MYRIP: variants seen among roughly 807,000 people sequenced by gnomAD.
MYRIP encodes the protein rab effector MyRIP.
A neutral mutation model predicts 98.0 loss-of-function variants in MYRIP; 49 were observed. That is an observed-to-expected ratio of 0.50 (90% CI 0.40 to 0.63). The LOEUF (loss-of-function observed/expected upper bound fraction) is 0.63, where lower values mean the gene tolerates loss of function less well. Ranked by LOEUF, MYRIP falls within the 30% of genes least tolerant of loss-of-function variation. The probability of loss-of-function intolerance (pLI) is 0.00; values close to 1 mark genes in which losing one functional copy is unlikely to be tolerated. For missense variants in MYRIP, 1,004 were observed against 1,058.2 expected, an observed-to-expected ratio of 0.95 and a Z score of 0.71; for synonymous variants, 404 against 409.5, an observed-to-expected ratio of 0.99 and a Z score of 0.16.
intron 2 of MYRIP, among the ~76,000 whole-genome samples, chr3:39,974,688 A>C (rs1945698277): frequency 6.6e-6 from 1 of 152,204 alleles, no homozygotes; most frequent in Non-Finnish European, 1.5e-5. Context: ...GCACATCAAG[A>C]AACTTTTCCA....
intron 2 of MYRIP, among the ~76,000 whole-genome samples, chr3:40,038,779 C>G (rs936754250): frequency 6.6e-6 from 1 of 152,100 alleles, no homozygotes; most frequent in Non-Finnish European, 1.5e-5. Flanking sequence ...TTCTCATGGT[C>G]TTCCTTCTTG....
intron 3 of MYRIP, among the ~76,000 whole-genome samples, chr3:40,083,793 A>C (rs1948533349): frequency 6.6e-6 from 1 of 152,140 alleles, no homozygotes; most frequent in African/African-American, 2.4e-5. Context: ...AGCATGGTCA[A>C]CTGTGAATTC....
intron 1 of MYRIP, among the ~76,000 whole-genome samples, chr3:39,893,447 T>A (rs1009789435): frequency 6.6e-6 from 1 of 152,144 alleles, no homozygotes; most frequent in Admixed American, 6.5e-5. Flanking sequence ...TGTTTTATGG[T>A]CTCTGCAGCT....
intron 3 of MYRIP, among the ~76,000 whole-genome samples, chr3:40,102,791 CA>C (rs1240597310): frequency 6.6e-6 from 1 of 151,892 alleles, no homozygotes; most frequent in Admixed American, 6.6e-5. Flanking sequence ...CAATGGATTG[CA>C]AACTTATTTT....
intron 2 of MYRIP, among the ~76,000 whole-genome samples, chr3:40,035,468 A>G (rs1406311047): frequency 1.3e-5 from 2 of 152,172 alleles, no homozygotes; most frequent in South Asian, 2.1e-4. Context: ...ATCTTAATCA[A>G]AATGACAAAC....
intron 1 of MYRIP, among the ~76,000 whole-genome samples, chr3:39,813,604 C>CA (rs756846901): frequency 1.3e-5 from 2 of 152,240 alleles, no homozygotes; most frequent in Non-Finnish European, 2.9e-5. Context: ...GTGCCTGAGA[C>CA]AACATCCCTA....
chr3:39,841,925 G>C (rs1234148448), intron 1 of MYRIP, among the ~76,000 whole-genome samples: 14 of 152,186 alleles, frequency 9.2e-5, no homozygotes, highest in Non-Finnish European at 7.3e-5. Context: ...CAGTCAGGAG[G>C]CACGGGAGTC....
chr3:39,896,115 CA>C (rs897903727), intron 1 of MYRIP, among the ~76,000 whole-genome samples: 2 of 151,910 alleles, frequency 1.3e-5, no homozygotes, highest in South Asian at 4.1e-4. Flanking sequence ...AAACAAAAAA[CA>C]AAATGGAAAA....
chr3:40,116,968 T>A (rs1460005645), intron 3 of MYRIP, among the ~76,000 whole-genome samples: 1 of 152,178 alleles, frequency 6.6e-6, no homozygotes, highest in Non-Finnish European at 1.5e-5. Flanking sequence ...GCCCAACCTC[T>A]GTGAATCGTT....
intron 13 of MYRIP, chr3:40,248,528 G>A (rs1953273401): frequency 6.6e-6 from 1 of 152,218 alleles, no homozygotes; most frequent in Non-Finnish European, 1.5e-5. Context: ...TCAGCCCTCA[G>A]TAGCCTCCTC....
At chr3:40,039,465 G>T (rs1947460965) in intron 2 of MYRIP, among the ~76,000 whole-genome samples, 1 of 152,092 alleles carries the variant, frequency 6.6e-6, no homozygotes, top group Non-Finnish European at 1.5e-5. Context: ...GAATAATCAG[G>T]TAAGACAAGG....
chr3:40,252,359 C>T (rs1158334482), intron 16 of MYRIP, among the ~76,000 whole-genome samples: 2 of 152,066 alleles, frequency 1.3e-5, no homozygotes, highest in East Asian at 3.9e-4. Flanking sequence ...CCAAAGCATC[C>T]GGCTTACACC....
At chr3:40,108,283 A>ATC (rs2125899006) in intron 3 of MYRIP, among the ~76,000 whole-genome samples, 1 of 56,612 alleles carries the variant, frequency 1.8e-5, no homozygotes, top group African/African-American at 4.6e-5. Context: ...GAAAAAAGAC[A>ATC]GAGTTTATAA....
Position 39,971,245 on chromosome 3 carries a change from A to G in MYRIP, c.110+70319A>G, listed in dbSNP as rs11916341. On this transcript the variant is annotated intron_variant, in intron 2 of 16. Transcript: ENST00000302541. ...GGTTACCCTTTGTTCTTCTTGGTAG[A>G]AAAGGGAGATGAGATATATTATGTT... 2.8e-3 allele frequency among the ~76,000 whole-genome samples: 432 copies of G among 152,136 alleles called. 1 individual carries two copies. The highest frequency in any genetic ancestry group is 4.9e-3 in the Non-Finnish European group (334 of 67,952).
At chr3:40,046,681 T>C (rs1947675428) in intron 3 of MYRIP, among the ~76,000 whole-genome samples, 2 of 151,400 alleles carry the variant, frequency 1.3e-5, no homozygotes, top group Middle Eastern at 3.4e-3. Flanking sequence ...CAGACCGCTA[T>C]TGAAGCGGGA....
rs183731983 is a variant in MYRIP, at chr3:39,835,543, T to C, written c.-31+25627T>C. Among the ~76,000 whole-genome samples, 513 of 152,306 alleles carry C rather than the reference T, an allele frequency of 3.4e-3. 2 individuals carry two copies. Among genetic ancestry groups the C allele is most frequent in the Middle Eastern group, 6.8e-3 (2 of 294 alleles). ...ATATAATTTTTGATGCTACAGAAAA[T>C]GTTATTTGAAGATGAGAAAATAACA... On this transcript the variant is annotated intron_variant, in intron 1 of 16. Coordinates refer to ENST00000302541, the MANE Select transcript of MYRIP (RefSeq NM_015460.4).
At chr3:40,202,021 A>G (rs1229395930) in intron 10 of MYRIP, among the ~76,000 whole-genome samples, 1 of 152,152 alleles carries the variant, frequency 6.6e-6, no homozygotes, top group Non-Finnish European at 1.5e-5. Flanking sequence ...AAGGAAAACT[A>G]TGTACATTTG....
intron 1 of MYRIP, among the ~76,000 whole-genome samples, chr3:39,819,715 G>A (rs13316863): frequency 0.038 from 5,800 of 152,304 alleles, 219 homozygotes; most frequent in East Asian, 0.098. Context: ...TGGCAGTGAG[G>A]TGGACATGGT....
In MYRIP at chr3:39,987,000, A is replaced by G. The variant is rs1946046783; in HGVS notation, c.111-57050A>G. ...CCTGTTTCATATTCTGCTCTTTATT[A>G]TTATTATTTTTTAAGTTCCGGGGTA... On this transcript the variant is annotated intron_variant, in intron 2 of 16. Transcript: ENST00000302541. Among the ~76,000 whole-genome samples, 5 of 152,088 alleles carry G rather than the reference A, an allele frequency of 3.3e-5. 1 individual carries two copies. The South Asian group carries it at 1.0e-3, about 32-fold the overall frequency.
Sources: allele counts gnomAD v4.1 joint callset (sites outside exome capture counted in the v4.1 genomes callset), GRCh38; gene constraint gnomAD v4.1.1; transcripts MANE v1.5; gene names NCBI Gene and HGNC (gene_info 2026-07-23, HGNC 2026-07-21).